The following MREG variants were observed in gnomAD, a reference collection of about 807,000 sequenced individuals.
MREG encodes the protein melanoregulin.
In MREG, 31 loss-of-function variants were observed where a neutral mutation model predicts 28.5. The observed-to-expected ratio is 1.09, with a 90% CI of 0.82 to 1.47. The LOEUF is 1.47. Ranked by LOEUF, MREG falls within the 40% of genes most tolerant of loss-of-function variation. The pLI is 0.00. For synonymous variants in MREG, 106 were observed against 95.2 expected, an observed-to-expected ratio of 1.11 and a Z score of -0.66; for missense variants, 256 against 257.4, an observed-to-expected ratio of 0.99 and a Z score of 0.04.
At chr2:216,029,515 C>A (rs1381222405) in intron 1 of MREG, among the ~76,000 whole-genome samples, 1 of 152,168 alleles carries the variant, frequency 6.6e-6, no homozygotes, top group East Asian at 1.9e-4. Context: ...ACGACAAAGG[C>A]AAAATGATAA....
At position 215,945,088 on chromosome 2, in the gene MREG, C is replaced by A. The variant is rs930432156; in HGVS notation, c.511-91G>T. 12 of 1,320,140 alleles carry A rather than the reference C, an allele frequency of 9.1e-6. No individual in the cohort carries two copies. In the African/African-American group the frequency reaches 1.8e-4, roughly 19 times the overall value. 81.8% of individuals were successfully genotyped at this position (1,320,140 alleles called of 1,614,324 possible). ...AAAAGCAATCTAACAACAACAAAAC[C>A]CACCCTGGAAATGACAATGAGCAAG... On this transcript the variant is annotated intron_variant, in intron 4 of 4. Coordinates refer to ENST00000263268, the MANE Select transcript of MREG (RefSeq NM_018000.3).
chr2:215,962,739 A>G (rs1006582550), intron 2 of MREG, among the ~76,000 whole-genome samples: 1 of 152,174 alleles, frequency 6.6e-6, no homozygotes, highest in African/African-American at 2.4e-5. Flanking sequence ...GTGTTGTCCA[A>G]TACAGCAGCC....
chr2:216,014,455 C>T (rs768658397), upstream of MREG, among the ~76,000 whole-genome samples: 23 of 152,064 alleles, frequency 1.5e-4, no homozygotes, highest in Admixed American at 1.3e-4. Flanking sequence ...TTGAGACCAT[C>T]CTGGCCAACA....
At chr2:216,007,671 C>A (rs1694195687) in intron 1 of MREG, among the ~76,000 whole-genome samples, 1 of 151,912 alleles carries the variant, frequency 6.6e-6, no homozygotes, top group African/African-American at 2.4e-5. Context: ...CTCAAGTGAT[C>A]CACCTGTCTT....
rs1403370428 is a variant in MREG at position 215,944,818 on chromosome 2, T to G, written c.*45A>C. The G allele has an allele frequency of 6.5e-7, 1 of 1,540,432 alleles. No individual in the cohort carries two copies. The highest frequency in any genetic ancestry group is 1.8e-5 in the Admixed American group (1 of 57,012). On this transcript the variant is annotated 3_prime_UTR_variant, in exon 5 of 5. Transcript: ENST00000263268. ...TAATTGTCCAACTTTGGTTGACTGCTGAGTCCTCATGGAAGAATTCCCATT... is the reference window on the plus strand; with the variant it reads ...TAATTGTCCAACTTTGGTTGACTGCGGAGTCCTCATGGAAGAATTCCCATT...
intron 1 of MREG, among the ~76,000 whole-genome samples, chr2:216,002,976 TTC>T (rs1417792862): frequency 1.3e-5 from 2 of 151,374 alleles, no homozygotes; most frequent in African/African-American, 4.9e-5. Context: ...TCTCTCTCTT[TTC>T]TCTCTTTCTG....
chr2:215,967,559 G>C (rs542578207), intron 2 of MREG, among the ~76,000 whole-genome samples: 1 of 152,200 alleles, frequency 6.6e-6, no homozygotes, highest in East Asian at 1.9e-4. Context: ...TAAATCAGGG[G>C]GTATAAGAAG....
chr2:215,943,666 C>T lies in MREG; in HGVS notation c.*1197G>A, dbSNP rs2105962638. 5.6e-6 allele frequency: 2 copies of T among 354,106 alleles called. No individual in the cohort carries two copies. The highest frequency in any genetic ancestry group is 1.1e-5 in the Non-Finnish European group (2 of 179,638). The allele number at this position is 354,106 out of a possible 1,614,324, so 21.9% of individuals were successfully genotyped here. ...ACCATCGTGGCTAACATGGTGAAAC[C>T]CCGTCTCTACTAAAAATACAAAAAA... On this transcript the variant is annotated 3_prime_UTR_variant, in exon 5 of 5. Transcript: ENST00000263268.
At chr2:215,970,626 G>A (rs1693063302) in intron 2 of MREG, among the ~76,000 whole-genome samples, 1 of 152,168 alleles carries the variant, frequency 6.6e-6, no homozygotes, top group Admixed American at 6.6e-5. Flanking sequence ...TGAGCTCTGG[G>A]TCTGAGTCTG....
chr2:215,990,287 A>G (rs1247233979), intron 2 of MREG, among the ~76,000 whole-genome samples: 1 of 152,244 alleles, frequency 6.6e-6, no homozygotes, highest in Non-Finnish European at 1.5e-5. Flanking sequence ...TTTCATATCC[A>G]GCCAAAATAA....
At chr2:216,000,729 G>A (rs529041449) in intron 1 of MREG, among the ~76,000 whole-genome samples, 13 of 152,276 alleles carry the variant, frequency 8.5e-5, no homozygotes, top group Middle Eastern at 3.4e-3. Context: ...CTTGTTGAAC[G>A]CAACAAACTG....
chr2:215,945,349 A>C (rs1692291426), intron 4 of MREG, among the ~76,000 whole-genome samples: 1 of 152,196 alleles, frequency 6.6e-6, no homozygotes, highest in African/African-American at 2.4e-5. Flanking sequence ...CTGGAACCCA[A>C]GCCTCAGTAG....
chr2:216,011,256 T>C (rs554234034), intron 1 of MREG, among the ~76,000 whole-genome samples: 31 of 152,290 alleles, frequency 2.0e-4, no homozygotes, highest in Non-Finnish European at 4.4e-4. Context: ...CAGGTACCCA[T>C]ATACACACAC....
At chr2:216,024,212 C>A (rs1262915349) in intron 1 of MREG, among the ~76,000 whole-genome samples, 1 of 152,070 alleles carries the variant, frequency 6.6e-6, no homozygotes, top group African/African-American at 2.4e-5. Context: ...CCCTCCCTAT[C>A]ACTCACATCT....
chr2:215,974,278 G>A (rs1448858175), intron 2 of MREG, among the ~76,000 whole-genome samples: 1 of 152,166 alleles, frequency 6.6e-6, no homozygotes, highest in Non-Finnish European at 1.5e-5. Context: ...GACTGTTTCA[G>A]GTCAAGAAAA....
chr2:215,990,870 T>C (rs901726292), intron 2 of MREG, among the ~76,000 whole-genome samples: 4 of 152,152 alleles, frequency 2.6e-5, no homozygotes, highest in Non-Finnish European at 4.4e-5. Flanking sequence ...ATGTACCCAA[T>C]ACAGGAGCAC....
rs140398441 is a variant in MREG, at chr2:215,943,327, C to T, written c.*1536G>A. 219 of 452,390 alleles carry T rather than the reference C, an allele frequency of 4.8e-4. 1 individual carries two copies. The highest frequency in any genetic ancestry group is 3.7e-3 in the African/African-American group (184 of 50,084). The allele number at this position is 452,390 out of a possible 1,614,324, so 28.0% of individuals were successfully genotyped here. ...GGACTTCTCAATCTGTAGAGAGAAG[C>T]AAGCTGCATTCACAGCATTGCTCCC... On this transcript the variant is annotated 3_prime_UTR_variant, in exon 5 of 5. Coordinates refer to ENST00000263268, the MANE Select transcript of MREG (RefSeq NM_018000.3).
upstream of MREG, among the ~76,000 whole-genome samples, chr2:216,015,266 G>A (rs1274981362): frequency 6.6e-6 from 1 of 152,088 alleles, no homozygotes; most frequent in Non-Finnish European, 1.5e-5. Context: ...GGAAGGCCTC[G>A]CTGAGACTGT....
chr2:216,031,218 C>T (rs1694683959), intron 1 of MREG, among the ~76,000 whole-genome samples: 1 of 151,784 alleles, frequency 6.6e-6, no homozygotes, highest in African/African-American at 2.4e-5. Flanking sequence ...ACCAGCCTGG[C>T]CAACACGGTG....
Sources: allele counts gnomAD v4.1 joint callset (sites outside exome capture counted in the v4.1 genomes callset), GRCh38; gene constraint gnomAD v4.1.1; transcripts MANE v1.5; gene names NCBI Gene and HGNC (gene_info 2026-07-23, HGNC 2026-07-21).